Variants in P2RX4 observed in about 807,000 individuals in gnomAD.
P2RX4 encodes P2X purinoceptor 4.
In P2RX4, 37 loss-of-function variants were observed where a neutral mutation model predicts 48.0. The ratio of observed to expected loss-of-function variants is 0.77; its 90% CI spans 0.59 to 1.01. The LOEUF is 1.01. P2RX4 is among the 50% of genes least tolerant of loss of function. P2RX4 has a pLI of 0.00. For synonymous variants in P2RX4, 200 were observed against 199.7 expected, an observed-to-expected ratio of 1.00 and a Z score of -0.01; for missense variants, 501 against 521.4, an observed-to-expected ratio of 0.96 and a Z score of 0.38.
intron 8 of P2RX4, among the ~76,000 whole-genome samples, chr12:121,231,773 A>T (rs1420350733): frequency 1.3e-5 from 2 of 152,030 alleles, no homozygotes; most frequent in East Asian, 3.8e-4. Flanking sequence ...AAAAATAAAT[A>T]AATTTAAAAA....
intron 11 of P2RX4, 147 bp from the exon 12 acceptor site, chr12:121,233,376 T>G: frequency 1.3e-6 from 1 of 785,940 alleles, no homozygotes; most frequent in Non-Finnish European, 2.2e-6. Flanking sequence ...ACTACTTCAG[T>G]GCACCTTGCG....
chr12:121,219,501 C>A (rs755211369), intron 2 of P2RX4, among the ~76,000 whole-genome samples: 1 of 151,990 alleles, frequency 6.6e-6, no homozygotes, highest in Non-Finnish European at 1.5e-5. Flanking sequence ...GAGGCCAAGG[C>A]AGGAGGATCA....
chr12:121,219,994 TC>T (rs1293084473), intron 2 of P2RX4, among the ~76,000 whole-genome samples: 1 of 152,224 alleles, frequency 6.6e-6, no homozygotes, highest in Non-Finnish European at 1.5e-5. Flanking sequence ...AATTCTTCAG[TC>T]TCATCCCTAG....
Position 121,232,748 on chromosome 12 carries a change from C to A in P2RX4, c.1044+72C>A. On this transcript the variant is annotated intron_variant, in intron 10 of 11. Transcript: ENST00000337233. The surrounding 1 kb of genome is among the most constrained non-coding windows in gnomAD (Gnocchi z 4.3). ...CTGGGCTGGGGTCCTGGTCCTGGCCCTAGGCCCTAGACCTCAGATGTGTTT... is the reference window on the plus strand; with the variant it reads ...CTGGGCTGGGGTCCTGGTCCTGGCCATAGGCCCTAGACCTCAGATGTGTTT... 1 of 1,283,614 alleles carries A rather than the reference C, an allele frequency of 7.8e-7. No individual in the cohort carries two copies. Among genetic ancestry groups the A allele is most frequent in the Non-Finnish European group, 1.1e-6 (1 of 881,224 alleles). The allele number at this position is 1,283,614 out of a possible 1,614,324, so 79.5% of individuals were successfully genotyped here.
rs1401611985 is a variant in P2RX4 at position 121,217,152 on chromosome 12, A to G, written c.153A>G (p.Glu51=). 5.6e-6 allele frequency: 9 copies of G among 1,614,074 alleles called. No homozygotes were observed. Among genetic ancestry groups the G allele is most frequent in the Admixed American group, 1.7e-5 (1 of 60,002 alleles). ...TTTATAGGTGGGTGTTTGTGTGGGA[A>G]AAGGGCTACCAGGAAACTGACTCCG... ...AYVIGWVFVW[E]KGYQETDSVV... Residue 51 remains glutamate (E), a synonymous_variant, in exon 2 of 12, where the codon GAA becomes GAG. Transcript: ENST00000337233.
chr12:121,210,341 C>A (rs1387767226), intron 1 of P2RX4, 43 bp downstream of exon 1: 18 of 1,431,886 alleles, frequency 1.3e-5, no homozygotes, highest in Non-Finnish European at 1.6e-5. Flanking sequence ...GTGCTGCCCT[C>A]GCGTCCGCGC....
intron 2 of P2RX4, among the ~76,000 whole-genome samples, chr12:121,220,045 C>T (rs1011553134): frequency 6.6e-6 from 1 of 152,132 alleles, no homozygotes; most frequent in South Asian, 2.1e-4. Context: ...TTATTTGGCA[C>T]CTTTATACAT....
chr12:121,228,889 C>T, intron 7 of P2RX4, 23 bp downstream of exon 7: 3 of 1,614,122 alleles, frequency 1.9e-6, no homozygotes, highest in Non-Finnish European at 1.7e-6. Context: ...CCTGGCTCTC[C>T]TGACCCAGCC....
chr12:121,210,476 G>C (rs1885755183), intron 1 of P2RX4, among the ~76,000 whole-genome samples, 178 bp downstream of exon 1: 1 of 152,142 alleles, frequency 6.6e-6, no homozygotes, highest in Non-Finnish European at 1.5e-5. Context: ...GCTGCTTGCT[G>C]CTGTTTTAAA....
intron 2 of P2RX4, among the ~76,000 whole-genome samples, chr12:121,218,018 C>T (rs138365167): frequency 1.3e-5 from 2 of 152,248 alleles, no homozygotes; most frequent in African/African-American, 4.8e-5. Flanking sequence ...GGCCTATGTG[C>T]TAAGGGACCG....
intron 4 of P2RX4, 141 bp downstream of exon 4, chr12:121,222,307 C>T (rs1886674581): frequency 4.6e-6 from 3 of 658,398 alleles, no homozygotes; most frequent in Non-Finnish European, 8.1e-6. Context: ...CCTGGAGCCC[C>T]TCTACATTCA....
intron 1 of P2RX4, 83 bp from the exon 2 acceptor site, chr12:121,217,051 G>A (rs939787955): frequency 7.3e-7 from 1 of 1,368,326 alleles, no homozygotes; most frequent in Admixed American, 1.7e-5. Flanking sequence ...CGTACTTCCA[G>A]CCACTGGCCA....
At chr12:121,220,207 T>C (rs995671256) in intron 2 of P2RX4, among the ~76,000 whole-genome samples, 5 of 152,204 alleles carry the variant, frequency 3.3e-5, no homozygotes, top group African/African-American at 1.2e-4. Flanking sequence ...TCCTCTGAGA[T>C]AATCTGGTTG....
At chr12:121,230,472 T>C (rs1457776964) in intron 8 of P2RX4, among the ~76,000 whole-genome samples, 1 of 152,234 alleles carries the variant, frequency 6.6e-6, no homozygotes, top group Non-Finnish European at 1.5e-5. Context: ...AGTGGTGACG[T>C]GTGGAATCCG....
intron 4 of P2RX4, 127 bp downstream of exon 4, chr12:121,222,293 G>C (rs1428426873): frequency 4.3e-6 from 3 of 703,684 alleles, no homozygotes; most frequent in Non-Finnish European, 2.5e-6. Flanking sequence ...GCCGAGGCTG[G>C]GGTCCTGGAG....
chr12:121,216,953 A>T (rs1454855877), intron 1 of P2RX4, 181 bp from the exon 2 acceptor site: 1 of 720,350 alleles, frequency 1.4e-6, no homozygotes, highest in Non-Finnish European at 2.5e-6. Flanking sequence ...CCTGTGGTTT[A>T]GGTGCTACCA....
intron 1 of P2RX4, chr12:121,212,824 A>ATATATATATATATATTTTTT (rs370835501): frequency 6.2e-5 from 2 of 32,250 alleles, no homozygotes; most frequent in Non-Finnish European, 9.6e-5. Context: ...ATATATATAT[A>ATATATATATATATATTTTTT]TTTTTTTTTT....
At chr12:121,221,876 C>G in intron 2 of P2RX4, 37 bp from the exon 3 acceptor site, 1 of 1,595,636 alleles carries the variant, frequency 6.3e-7, no homozygotes, top group African/African-American at 1.3e-5. Context: ...CGTGAGTCCT[C>G]TGAGCGTGGC....
rs369938050 is a variant in P2RX4 at position 121,217,171 on chromosome 12, G to A, written c.172G>A (p.Asp58Asn). Residue 58 changes from aspartate (D) to asparagine (N), a missense_variant, in exon 2 of 12, where the codon GAC (aspartate) becomes AAC (asparagine). Physicochemically the swap from Asp to Asn is conservative, Grantham distance 23 (BLOSUM62 1). Transcript: ENST00000337233. ...GTGGGAAAAGGGCTACCAGGAAACT[G>A]ACTCCGTGGTCAGCTCCGTTACGAC... The part of the protein sequence containing the change: ...FVWEKGYQET[D>N]SVVSSVTTKV... The A allele has an allele frequency of 1.9e-6, 3 of 1,614,178 alleles. No individual in the cohort carries two copies. The East Asian group carries it at 6.7e-5, about 36-fold the overall frequency.
Sources: allele counts gnomAD v4.1 joint callset (sites outside exome capture counted in the v4.1 genomes callset), GRCh38; gene constraint gnomAD v4.1.1; non-coding constraint Gnocchi (gnomAD v3.1); transcripts MANE v1.5; gene names NCBI Gene and HGNC (gene_info 2026-07-23, HGNC 2026-07-21).